RTN4: variants seen among roughly 807,000 people sequenced by gnomAD.
The protein encoded by RTN4 is reticulon-4.
A neutral mutation model predicts 90.4 loss-of-function variants in RTN4; 32 were observed. The ratio of observed to expected loss-of-function variants is 0.35; its 90% confidence interval spans 0.27 to 0.48. The LOEUF is 0.48. Ranked by LOEUF, RTN4 falls within the 20% of genes least tolerant of loss-of-function variation. The pLI is 0.99. For synonymous variants in RTN4, 629 were observed against 552.5 expected (o/e 1.14, Z -1.94); for missense variants, 1,706 against 1,430.2 (o/e 1.19, Z -3.11).
intron 5 of RTN4, among the ~76,000 whole-genome samples, chr2:54,977,661 T>C (rs1224568602): frequency 6.6e-6 from 1 of 152,058 alleles, no homozygotes; most frequent in Non-Finnish European, 1.5e-5. Flanking sequence ...TCTTTCATAA[T>C]TGCGGGTGGG....
chr2:55,072,579 C>T (rs75038514), intron 2 of RTN4, among the ~76,000 whole-genome samples: 1 of 152,104 alleles, frequency 6.6e-6, no homozygotes, highest in Admixed American at 6.6e-5. Context: ...GCTTCTGGAT[C>T]GAGGGGCATA....
chr2:55,046,352 T>C (rs969285764), intron 1 of RTN4, among the ~76,000 whole-genome samples: 1 of 152,188 alleles, frequency 6.6e-6, no homozygotes. Context: ...TCTGGGTGGG[T>C]AAGGCCACCT....
chr2:55,011,513 T>C (rs1243530464), intron 3 of RTN4, among the ~76,000 whole-genome samples: 1 of 152,202 alleles, frequency 6.6e-6, no homozygotes, highest in African/African-American at 2.4e-5. Context: ...TATTTTAAAA[T>C]GCAATTTGCG....
the RTN4 span, among the ~76,000 whole-genome samples, chr2:55,129,914 A>G: frequency 6.6e-6 from 1 of 152,226 alleles, no homozygotes. Flanking sequence ...AAGACTAAAA[A>G]TGCCCAGCAC....
At chr2:54,974,880 C>A in intron 5 of RTN4, 116 bp from the exon 6 acceptor site, 1 of 777,618 alleles carries the variant, frequency 1.3e-6, no homozygotes, top group Non-Finnish European at 2.2e-6. Context: ...AACTTGAAGA[C>A]TGGGTAAAGT....
intron 1 of RTN4, among the ~76,000 whole-genome samples, chr2:55,081,949 A>G (rs72914509): frequency 0.19 from 28,897 of 151,686 alleles, 5,372 homozygotes; most frequent in African/African-American, 0.49. Flanking sequence ...TTTATCAAAT[A>G]TGATGAAAAA....
intron 3 of RTN4, among the ~76,000 whole-genome samples, chr2:55,020,891 T>C (rs541887928): frequency 6.6e-6 from 1 of 152,070 alleles, no homozygotes; most frequent in South Asian, 2.1e-4. Flanking sequence ...TGGTCCCAGC[T>C]ACTTGGGAGG....
At chr2:55,095,155 T>A (rs35275603) in intron 1 of RTN4, among the ~76,000 whole-genome samples, 29,102 of 152,014 alleles carry the variant, frequency 0.19, 2,873 homozygotes, top group South Asian at 0.28. Context: ...AAACCCCGTC[T>A]GTACTTAAAA....
intron 2 of RTN4, among the ~76,000 whole-genome samples, chr2:55,066,455 G>A (rs1668395675): frequency 6.6e-6 from 1 of 152,050 alleles, no homozygotes; most frequent in Non-Finnish European, 1.5e-5. Flanking sequence ...AGCACTTTGG[G>A]AGGCCTAGGC....
intron 1 of RTN4, among the ~76,000 whole-genome samples, chr2:55,039,930 C>A (rs1558841333): frequency 6.6e-6 from 1 of 152,092 alleles, no homozygotes; most frequent in Non-Finnish European, 1.5e-5. Context: ...TAAACTTAAC[C>A]ATATCCCCTG....
chr2:55,120,564 G>A, the RTN4 span, among the ~76,000 whole-genome samples: 1 of 152,040 alleles, frequency 6.6e-6, no homozygotes. Flanking sequence ...ACTTGAACCT[G>A]ACCAAATTAA....
intron 3 of RTN4, among the ~76,000 whole-genome samples, chr2:55,012,531 A>G (rs1463085350): frequency 2.0e-5 from 3 of 152,206 alleles, no homozygotes; most frequent in African/African-American, 7.2e-5. Context: ...TGAAAAACTG[A>G]TATGACACAA....
chr2:55,090,803 A>G (rs946658331), intron 1 of RTN4, among the ~76,000 whole-genome samples: 1 of 152,056 alleles, frequency 6.6e-6, no homozygotes. Flanking sequence ...CACCCCCTAA[A>G]CATGCTTCTC....
intron 1 of RTN4, among the ~76,000 whole-genome samples, chr2:55,033,917 A>G (rs1334121424): frequency 6.6e-6 from 1 of 152,218 alleles, no homozygotes; most frequent in African/African-American, 2.4e-5. Flanking sequence ...TCTGAAATAT[A>G]GAATAAATCA....
chr2:55,073,534 T>C (rs1002667086), intron 2 of RTN4, among the ~76,000 whole-genome samples: 4 of 152,238 alleles, frequency 2.6e-5, no homozygotes, highest in Non-Finnish European at 5.9e-5. Flanking sequence ...CCAACCCCAG[T>C]ATCTTTGGGA....
At chr2:55,076,983 C>T (rs951073003) in intron 2 of RTN4, among the ~76,000 whole-genome samples, 1 of 150,582 alleles carries the variant, frequency 6.6e-6, no homozygotes, top group African/African-American at 2.4e-5. Context: ...AACTTCCTTC[C>T]TTTATAAATT....
At chr2:54,987,435 A>G in intron 4 of RTN4, 56 bp downstream of exon 4, 4 of 1,252,870 alleles carry the variant, frequency 3.2e-6, no homozygotes, top group Non-Finnish European at 4.7e-6. Flanking sequence ...TGAAGTCTTA[A>G]TACCAATCCT....
the RTN4 span, among the ~76,000 whole-genome samples, chr2:55,120,107 T>G: frequency 1.3e-5 from 2 of 152,174 alleles, no homozygotes; most frequent in Non-Finnish European, 2.9e-5. Flanking sequence ...ATGATTCCCA[T>G]GCCCACTCTG....
chr2:54,985,252 T>C (rs762808372), intron 4 of RTN4, among the ~76,000 whole-genome samples: 3 of 139,464 alleles, frequency 2.2e-5, no homozygotes, highest in Non-Finnish European at 4.6e-5. Flanking sequence ...CTTGAACTCC[T>C]GGGTTCTAGC....
Sources: allele counts gnomAD v4.1 joint callset (sites outside exome capture counted in the v4.1 genomes callset), GRCh38; gene constraint gnomAD v4.1.1; transcripts MANE v1.5; gene names NCBI Gene and HGNC (gene_info 2026-07-23, HGNC 2026-07-21).